NTRK3: variants seen among roughly 807,000 people sequenced by gnomAD.
NTRK3 encodes the protein NT-3 growth factor receptor.
A neutral mutation model predicts 91.7 loss-of-function variants in NTRK3; 24 were observed. That is an observed-to-expected ratio of 0.26 (90% confidence interval 0.19 to 0.37). The LOEUF (loss-of-function observed/expected upper bound fraction) is 0.37, where lower values mean the gene tolerates loss of function less well. Ranked by LOEUF, NTRK3 falls within the 10% of genes least tolerant of loss-of-function variation. The pLI, the probability that NTRK3 is intolerant of heterozygous loss-of-function variation, is 1.00. For synonymous variants in NTRK3, 483 were observed against 404.0 expected, an observed-to-expected ratio of 1.20 and a Z score of -2.34; for missense variants, 880 against 1,068.9, an observed-to-expected ratio of 0.82 and a Z score of 2.46.
intron 13 of NTRK3, among the ~76,000 whole-genome samples, chr15:88,114,181 C>T (rs2051772942): frequency 6.6e-6 from 1 of 152,214 alleles, no homozygotes; most frequent in South Asian, 2.1e-4. Flanking sequence ...GGGAATGAGT[C>T]AGCCTCTGGA....
chr15:88,110,363 G>T (rs1270533911), intron 13 of NTRK3, among the ~76,000 whole-genome samples: 1 of 152,200 alleles, frequency 6.6e-6, no homozygotes, highest in African/African-American at 2.4e-5. Context: ...GGCAAGAGCT[G>T]TTGGATGGAG....
chr15:87,860,808 G>A lies in NTRK3; in HGVS notation c.*16127C>T, dbSNP rs1291732671. The A allele has an allele frequency of 2.3e-5, 5 of 213,616 alleles. No homozygotes were observed. The East Asian group carries it at 2.8e-4, about 12-fold the overall frequency. 13.2% of individuals were successfully genotyped at this position (213,616 alleles called of 1,614,324 possible). ...CCAGAAGCCTGGGAGAAAAACAAAC[G>A]AGCATCACGTAGGAGTATTTCTAAG... On this transcript the variant is annotated 3_prime_UTR_variant, in exon 19 of 19. Transcript: ENST00000394480.
chr15:88,077,775 C>A (rs1349076536), intron 13 of NTRK3, among the ~76,000 whole-genome samples: 1 of 152,160 alleles, frequency 6.6e-6, no homozygotes, highest in African/African-American at 2.4e-5. Context: ...GGATGTGGCC[C>A]CGTTTCCTGC....
intron 17 of NTRK3, among the ~76,000 whole-genome samples, chr15:87,900,102 A>T (rs2066362951): frequency 1.3e-5 from 2 of 152,202 alleles, no homozygotes; most frequent in South Asian, 4.1e-4. Context: ...CTTTATCTTC[A>T]TTTAAAAGTG....
At chr15:87,914,609 C>T (rs1273606585) in intron 17 of NTRK3, among the ~76,000 whole-genome samples, 1 of 152,180 alleles carries the variant, frequency 6.6e-6, no homozygotes, top group Non-Finnish European at 1.5e-5. Context: ...CGTGGGTGAG[C>T]TCCTTTGCCT....
exon 19 of NTRK3, chr15:87,868,154 G>T (rs1190021791): frequency 4.3e-6 from 1 of 231,698 alleles, no homozygotes; most frequent in Non-Finnish European, 8.5e-6. Flanking sequence ...GGATTGTGGA[G>T]GCTTTTGTGT....
exon 19 of NTRK3, chr15:87,872,027 C>T (rs970664092): frequency 2.3e-5 from 5 of 221,580 alleles, no homozygotes; most frequent in African/African-American, 9.0e-5. Flanking sequence ...GAGCCAAAAA[C>T]ACAGTGACTT....
In NTRK3 at chr15:87,968,453, C is replaced by T. The variant is rs188783425; in HGVS notation, c.1586-27700G>A. Among the ~76,000 whole-genome samples the T allele has an allele frequency of 2.2e-4, 33 of 152,128 alleles. 1 individual carries two copies. In the East Asian group the frequency reaches 6.4e-3, roughly 29 times the overall value. On this transcript the variant is annotated intron_variant, in intron 14 of 18. Coordinates refer to ENST00000394480, the Ensembl canonical transcript of NTRK3. Reference sequence around the variant, plus strand: ...GTTAGTGAGGGTAAAAATATGTACACGTTCAGAGTTTTATAACAGGAGTGT... The same window carrying T: ...GTTAGTGAGGGTAAAAATATGTACATGTTCAGAGTTTTATAACAGGAGTGT...
intron 14 of NTRK3, among the ~76,000 whole-genome samples, chr15:88,013,862 C>T (rs1275128117): frequency 6.6e-6 from 1 of 152,032 alleles, no homozygotes; most frequent in Admixed American, 6.6e-5. Flanking sequence ...ACAGATTGAG[C>T]CCAGGAGATT....
chr15:88,065,301 T>C (rs563745420), intron 13 of NTRK3, among the ~76,000 whole-genome samples: 91 of 152,322 alleles, frequency 6.0e-4, no homozygotes, highest in African/African-American at 1.9e-3. Flanking sequence ...TCATAGCTTC[T>C]AGCTCTCTAG....
At chr15:87,878,226 G>A (rs1488043867) in intron 18 of NTRK3, among the ~76,000 whole-genome samples, 1 of 152,172 alleles carries the variant, frequency 6.6e-6, no homozygotes, top group East Asian at 1.9e-4. Flanking sequence ...CTCAGCAGCT[G>A]AACAAATATT....
At chr15:87,997,880 C>A (rs192354) in intron 14 of NTRK3, among the ~76,000 whole-genome samples, 3 of 152,190 alleles carry the variant, frequency 2.0e-5, no homozygotes, top group Non-Finnish European at 4.4e-5. Context: ...AGATGATGGT[C>A]TAGCCCTGTG....
At chr15:88,040,330 CTGGGACAACAAGTCACCA>C (rs1053971204) in intron 13 of NTRK3, among the ~76,000 whole-genome samples, 1 of 152,214 alleles carries the variant, frequency 6.6e-6, no homozygotes, top group Non-Finnish European at 1.5e-5. Flanking sequence ...AGAGAGGAGC[CTGGGACAACAAGTCACCA>C]TGAGGACCTG....
intron 6 of NTRK3, among the ~76,000 whole-genome samples, chr15:88,143,041 C>A (rs766362340): frequency 2.0e-5 from 3 of 151,784 alleles, no homozygotes; most frequent in Admixed American, 6.6e-5. Flanking sequence ...ATGGTGAAAC[C>A]CCATCTCTAC....
Position 87,876,435 on chromosome 15 carries a change from GAC to G in NTRK3, c.*498_*499del, listed in dbSNP as rs1398815562. The G allele has an allele frequency of 2.2e-5, 5 of 228,776 alleles. No individual in the cohort carries two copies. In the Middle Eastern group the frequency reaches 3.8e-3, roughly 173 times the overall value. The allele number at this position is 228,776 out of a possible 1,614,324, so 14.2% of individuals were successfully genotyped here. A position where few individuals can be genotyped will look rare whatever the true frequency, so the allele number is the denominator to read the frequency against. On this transcript the variant is annotated 3_prime_UTR_variant, in exon 19 of 19. Transcript: ENST00000394480. ...CCTGTGGTGAGCTTCCGGGGTAACA[GAC>G]ACACACAGCAGCGACTGAGCACCAC...
intron 14 of NTRK3, among the ~76,000 whole-genome samples, chr15:87,976,739 C>T (rs1324669399): frequency 6.6e-6 from 1 of 152,160 alleles, no homozygotes; most frequent in African/African-American, 2.4e-5. Context: ...GTGTGGCTCA[C>T]CTGAGTGTGT....
At chr15:88,202,544 G>A (rs2048392312) in intron 3 of NTRK3, among the ~76,000 whole-genome samples, 2 of 152,200 alleles carry the variant, frequency 1.3e-5, no homozygotes, top group African/African-American at 4.8e-5. Flanking sequence ...GGGAGTTATG[G>A]AGATACAGAT....
intron 3 of NTRK3, among the ~76,000 whole-genome samples, chr15:88,217,338 G>T (rs578203763): frequency 6.6e-6 from 1 of 152,318 alleles, no homozygotes; most frequent in South Asian, 2.1e-4. Context: ...TAATCAAAGG[G>T]TTAAAGTAAC....
rs1275261088 is a variant in NTRK3 at position 88,255,097 on chromosome 15, GCACGATCACA to G, written c.248+799_248+808del. ...TTGAATGTTCCAAATGAACCGATCC[GCACGATCACA>G]CAAGAAACCCCTCTCCTCAAAACAC... On this transcript the variant is annotated intron_variant, in intron 3 of 18. Transcript: ENST00000394480. This position sits in a 1 kb window ranked among gnomAD's most constrained non-coding sequence, Gnocchi z 4.3. 6.6e-6 allele frequency among the ~76,000 whole-genome samples: 1 copy of G among 152,118 alleles called. No individual in the cohort carries two copies. Among genetic ancestry groups the G allele is most frequent in the Non-Finnish European group, 1.5e-5 (1 of 68,016 alleles).
Sources: gnomAD v4.1 joint callset for allele counts (sites outside exome capture counted in the v4.1 genomes callset) on GRCh38, gnomAD v4.1.1 for gene constraint, Gnocchi (gnomAD v3.1) non-coding constraint, MANE v1.5 for transcripts, NCBI Gene and HGNC (gene_info 2026-07-23, HGNC 2026-07-21) for gene names.